The following SCAMP2 variants were observed in gnomAD, a reference collection of about 807,000 sequenced individuals.
The protein encoded by SCAMP2 is secretory carrier membrane protein 2, also known as secretory carrier-associated membrane protein 2.
A neutral mutation model predicts 44.1 loss-of-function variants in SCAMP2; 25 were observed. The ratio of observed to expected loss-of-function variants is 0.57; its 90% CI spans 0.41 to 0.79. SCAMP2 has a LOEUF of 0.79. SCAMP2 is among the 30% of genes least tolerant of loss of function. SCAMP2 has a pLI of 0.00. For synonymous variants in SCAMP2, 156 were observed against 166.0 expected, an observed-to-expected ratio of 0.94 and a Z score of 0.46; for missense variants, 355 against 411.0, an observed-to-expected ratio of 0.86 and a Z score of 1.18.
chr15:74,847,477 G>A (rs1265353409), intron 7 of SCAMP2, among the ~76,000 whole-genome samples: 1 of 152,250 alleles, frequency 6.6e-6, no homozygotes. Context: ...CTTAGGTAAG[G>A]AGTAATGAAA....
chr15:74,867,821 T>A (rs1264473069), intron 1 of SCAMP2, among the ~76,000 whole-genome samples: 1 of 152,248 alleles, frequency 6.6e-6, no homozygotes, highest in Non-Finnish European at 1.5e-5. Context: ...TTACAAACAC[T>A]GAAAGGTTTT....
intron 8 of SCAMP2, 94 bp from the exon 9 acceptor site, chr15:74,845,311 C>G (rs1333674722): frequency 3.8e-6 from 6 of 1,579,620 alleles, no homozygotes; most frequent in Non-Finnish European, 4.3e-6. Flanking sequence ...TCACCAGAAG[C>G]CTGGCACTGC....
In SCAMP2 at chr15:74,852,163, T is replaced by C. The variant is rs370040452; in HGVS notation, c.249A>G (p.Ala83=). ...TPQAVVSAAQ[A]GLLRQQEELD... is the part of the protein sequence containing the mutation. ...GTTCTTCCTGCTGCCGGAGCAGGCC[T>C]GCCTGGGCTGCAGACACCACGGCCT... The change falls in exon 4 of 9, where the codon GCA becomes GCG. Residue 83 remains alanine (A), a synonymous_variant. Coordinates refer to ENST00000268099, the MANE Select transcript of SCAMP2 (RefSeq NM_005697.5). 15 of 1,565,998 alleles carry C rather than the reference T, an allele frequency of 9.6e-6. No individual in the cohort carries two copies. The highest frequency in any genetic ancestry group is 1.3e-5 in the Non-Finnish European group (15 of 1,156,640).
At position 74,850,632 on chromosome 15, in the gene SCAMP2, C is replaced by A; in HGVS notation, c.514G>T (p.Ala172Ser). ...TTGGAGCTGTTGCCCGAGAACCAGG[C>A]CAGGCAGGCAAGCAGGTTCAGAAAC... ...TLFLNLLACLAWFSGNSSKGV... is the reference protein window; with the variant it reads ...TLFLNLLACLSWFSGNSSKGV... The change falls in exon 6 of 9, where the codon GCC becomes TCC. Residue 172 changes from alanine (A) to serine (S), a missense_variant. Transcript: ENST00000268099. 1.2e-6 allele frequency: 2 copies of A among 1,614,102 alleles called. No homozygotes were observed. Among genetic ancestry groups the A allele is most frequent in the Non-Finnish European group, 1.7e-6 (2 of 1,179,980 alleles).
At chr15:74,845,367 G>C (rs746711560) in intron 8 of SCAMP2, 106 bp downstream of exon 8, 28 of 1,594,734 alleles carry the variant, frequency 1.8e-5, no homozygotes, top group Non-Finnish European at 2.2e-5. Context: ...GGACCTTTGG[G>C]GGCCTAGGAT....
intron 1 of SCAMP2, among the ~76,000 whole-genome samples, chr15:74,865,074 CAA>C (rs36079981): frequency 4.9e-4 from 16 of 32,820 alleles, no homozygotes; most frequent in Non-Finnish European, 8.0e-4. Context: ...GACTCTATCT[CAA>C]AAAAAAAAAA....
intron 1 of SCAMP2, among the ~76,000 whole-genome samples, chr15:74,872,070 A>C (rs532839693): frequency 2.0e-4 from 31 of 151,476 alleles, no homozygotes; most frequent in Admixed American, 8.6e-4. Flanking sequence ...CAAAACAAAA[A>C]AAAAGGAAAA....
At position 74,844,782 on chromosome 15, in the gene SCAMP2, G is replaced by A. The variant is rs74735445; in HGVS notation, c.*301C>T. 10 of 292,106 alleles carry A rather than the reference G, an allele frequency of 3.4e-5. No individual in the cohort carries two copies. The East Asian group carries it at 7.2e-4, about 21-fold the overall frequency. 18.1% of individuals were successfully genotyped at this position (292,106 alleles called of 1,614,324 possible). On this transcript the variant is annotated 3_prime_UTR_variant, in exon 9 of 9. Coordinates refer to ENST00000268099, the MANE Select transcript of SCAMP2 (RefSeq NM_005697.5). Reference sequence around the variant, plus strand: ...CCTGTGATCCCAACTGTGTGGGGGTGTCTGTGTGTGCACAGGACGAAGAGA... The same window carrying A: ...CCTGTGATCCCAACTGTGTGGGGGTATCTGTGTGTGCACAGGACGAAGAGA...
chr15:74,853,445 T>C (rs1317201444), intron 3 of SCAMP2: 7 of 456,442 alleles, frequency 1.5e-5, no homozygotes, highest in Non-Finnish European at 3.1e-5. Flanking sequence ...GAGAGCTCGC[T>C]CACTGCCAGG....
intron 6 of SCAMP2, among the ~76,000 whole-genome samples, chr15:74,849,035 C>G (rs2064417627): frequency 6.6e-6 from 1 of 152,034 alleles, no homozygotes; most frequent in Admixed American, 6.6e-5. Context: ...GCCTGGGTGA[C>G]AGAGTAAGAC....
Position 74,852,054 on chromosome 15 carries a change from A to G in SCAMP2, c.343+15T>C. On this transcript the variant is annotated intron_variant, in intron 4 of 8. Transcript: ENST00000268099. Reference sequence around the variant, plus strand: ...GCCAGGCAGGGCAGCCCCAGGCCCCAGCAGCCTCCCTTACCATGCAAGTTG... The same window carrying G: ...GCCAGGCAGGGCAGCCCCAGGCCCCGGCAGCCTCCCTTACCATGCAAGTTG... The G allele has an allele frequency of 6.5e-7, 1 of 1,543,598 alleles. No individual in the cohort carries two copies. Among genetic ancestry groups the G allele is most frequent in the Non-Finnish European group, 8.8e-7 (1 of 1,140,102 alleles).
At chr15:74,849,962 C>A (rs2064424841) in intron 6 of SCAMP2, among the ~76,000 whole-genome samples, 1 of 152,306 alleles carries the variant, frequency 6.6e-6, no homozygotes, top group South Asian at 2.1e-4. Context: ...TCAGCCACTA[C>A]CCTAATCCCT....
intron 4 of SCAMP2, 68 bp from the exon 5 acceptor site, chr15:74,851,549 GC>G (rs2064435753): frequency 6.3e-7 from 1 of 1,593,080 alleles, no homozygotes; most frequent in East Asian, 2.2e-5. Flanking sequence ...GTGCATGCAC[GC>G]CAGCATAGTG....
At chr15:74,846,540 G>A (rs2064401107) in intron 7 of SCAMP2, among the ~76,000 whole-genome samples, 3 of 152,122 alleles carry the variant, frequency 2.0e-5, no homozygotes, top group Admixed American at 2.0e-4. Context: ...AAGATGGGCG[G>A]ATCACGAGGT....
rs567323969 is a variant in SCAMP2, at chr15:74,846,369, C to T, written c.735-776G>A. 8.0e-5 allele frequency among the ~76,000 whole-genome samples: 12 copies of T among 150,860 alleles called. No individual in the cohort carries two copies. In the East Asian group the frequency reaches 2.4e-3, roughly 30 times the overall value. On this transcript the variant is annotated intron_variant, in intron 7 of 8. Coordinates refer to ENST00000268099, the MANE Select transcript of SCAMP2 (RefSeq NM_005697.5). ...CTGAGGTAGGAGGATCACTTGAGCCCGTGAGGTTCAAGGCTGCAGTGAGCT... is the reference window on the plus strand; with the variant it reads ...CTGAGGTAGGAGGATCACTTGAGCCTGTGAGGTTCAAGGCTGCAGTGAGCT...
chr15:74,845,384 C>T (rs775737312), intron 8 of SCAMP2, 89 bp downstream of exon 8: 3 of 1,605,414 alleles, frequency 1.9e-6, no homozygotes, highest in African/African-American at 2.7e-5. Flanking sequence ...GGATGCCCAA[C>T]TGCAGTGGTG....
intron 1 of SCAMP2, among the ~76,000 whole-genome samples, chr15:74,862,294 T>TAAAAAAAAAAAA (rs1567254012): frequency 2.2e-5 from 2 of 90,512 alleles, no homozygotes; most frequent in Admixed American, 1.3e-4. Context: ...AAAAAATTCC[T>TAAAAAAAAAAAA]GGCCAGGTGC....
In SCAMP2 at chr15:74,852,111, G is replaced by A. The variant is rs754024419; in HGVS notation, c.301C>T (p.Arg101Cys). 25 of 1,592,604 alleles carry A rather than the reference G, an allele frequency of 1.6e-5. No homozygotes were observed. Among genetic ancestry groups the A allele is most frequent in the African/African-American group, 2.7e-5 (2 of 73,756 alleles). The change falls in exon 4 of 9, where the codon CGC (arginine) becomes TGC (cysteine). Residue 101 changes from arginine to cysteine, a missense_variant. Coordinates refer to ENST00000268099, the MANE Select transcript of SCAMP2 (RefSeq NM_005697.5). ...GTGTTCTGCAGCTCCCGCTCCTTGCGTTCCAGCTCGGCAGCTTTCCTGTCC... is the reference window on the plus strand; with the variant it reads ...GTGTTCTGCAGCTCCCGCTCCTTGCATTCCAGCTCGGCAGCTTTCCTGTCC... ...ELDRKAAELERKERELQNTVA... is the reference protein window; with the variant it reads ...ELDRKAAELECKERELQNTVA...
At chr15:74,869,472 G>A (rs899204416) in intron 1 of SCAMP2, among the ~76,000 whole-genome samples, 5 of 152,170 alleles carry the variant, frequency 3.3e-5, no homozygotes, top group African/African-American at 7.2e-5. Context: ...CTGTGATGAT[G>A]TTACATTCCA....
Sources: gnomAD v4.1 joint callset for allele counts (sites outside exome capture counted in the v4.1 genomes callset) on GRCh38, gnomAD v4.1.1 for gene constraint, MANE v1.5 for transcripts, NCBI Gene and HGNC (gene_info 2026-07-23, HGNC 2026-07-21) for gene names.